KIF26B: variants seen among roughly 807,000 people sequenced by gnomAD.
The protein encoded by KIF26B is kinesin-like protein KIF26B.
Under a neutral mutation model 151.2 loss-of-function variants are expected in KIF26B, and 63 were observed. The ratio of observed to expected loss-of-function variants is 0.42; its 90% CI spans 0.34 to 0.51. The LOEUF is 0.51. Ranked by LOEUF, KIF26B falls within the 20% of genes least tolerant of loss-of-function variation. The pLI is 0.07. For missense variants in KIF26B, 2,813 were observed against 2,913.6 expected (o/e 0.97, Z 0.79); for synonymous variants, 1,357 against 1,262.1 (o/e 1.08, Z -1.59).
intron 4 of KIF26B, among the ~76,000 whole-genome samples, chr1:245,455,228 G>A (rs1256303972): frequency 1.3e-5 from 2 of 152,108 alleles, no homozygotes; most frequent in African/African-American, 2.4e-5. Context: ...ACTACAGGCC[G>A]GGCATGGTGG....
chr1:245,256,900 G>T (rs924361489), intron 2 of KIF26B, among the ~76,000 whole-genome samples: 6 of 152,198 alleles, frequency 3.9e-5, no homozygotes, highest in Non-Finnish European at 7.3e-5. Flanking sequence ...GCTGTCTCTT[G>T]TGGGGAAAAT....
intron 2 of KIF26B, among the ~76,000 whole-genome samples, chr1:245,276,019 G>A (rs1670929316): frequency 2.0e-5 from 3 of 152,130 alleles, no homozygotes; most frequent in Non-Finnish European, 4.4e-5. Context: ...TATTGTATGG[G>A]AAAATTTGCT....
rs1336021744 is a variant in KIF26B at position 245,687,942 on chromosome 1, G to T, written c.4959G>T (p.Lys1653Asn). The T allele has an allele frequency of 6.3e-7, 1 of 1,593,162 alleles. No homozygotes were observed. The highest frequency in any genetic ancestry group is 1.7e-5 in the Admixed American group (1 of 57,452). ...GKTKDASSSS[K>N]LFSAKLEQLA... is the part of the protein sequence containing the mutation. ...CGAAGGACGCCAGCAGCAGCAGCAA[G>T]CTCTTCAGTGCCAAGCTGGAGCAGC... The change falls in exon 12 of 15, where the codon AAG (lysine) becomes AAT (asparagine). Residue 1653 changes from lysine to asparagine, a missense_variant. Around this residue, in one of 3 missense-constraint regions of KIF26B, gnomAD observed 2,060 missense variants for 2,088.6 expected, o/e 0.99. Transcript: ENST00000407071. The surrounding 1 kb of genome is among the most constrained non-coding windows in gnomAD (Gnocchi z 4.9).
intron 9 of KIF26B, among the ~76,000 whole-genome samples, chr1:245,617,014 T>A (rs1483579744): frequency 6.6e-6 from 1 of 152,232 alleles, no homozygotes; most frequent in African/African-American, 2.4e-5. Context: ...CACAAATGTA[T>A]GTGCACATGG....
chr1:245,608,678 A>T (rs1357055212), intron 7 of KIF26B, among the ~76,000 whole-genome samples: 2 of 152,112 alleles, frequency 1.3e-5, no homozygotes, highest in Non-Finnish European at 2.9e-5. Flanking sequence ...CAGTGCAGGA[A>T]CTGGATAGCA....
intron 2 of KIF26B, among the ~76,000 whole-genome samples, chr1:245,268,010 G>A (rs1241727594): frequency 6.6e-6 from 1 of 152,080 alleles, no homozygotes; most frequent in Non-Finnish European, 1.5e-5. Context: ...TGGCAATAAA[G>A]ACAGGAATTT....
At chr1:245,617,462 T>G (rs1474632189) in intron 9 of KIF26B, among the ~76,000 whole-genome samples, 1 of 152,166 alleles carries the variant, frequency 6.6e-6, no homozygotes, top group Non-Finnish European at 1.5e-5. Context: ...ATGCTGTATT[T>G]AGGGCTGTGT....
At position 245,669,252 on chromosome 1, in the gene KIF26B, C is replaced by A. The variant is rs1416968944; in HGVS notation, c.2259-14981C>A. On this transcript the variant is annotated intron_variant, in intron 10 of 14. Coordinates refer to ENST00000407071, the MANE Select transcript of KIF26B (RefSeq NM_018012.4). ...CATGGGCCACTCTCATCGTTAGGCTCTCTTCACAGGTATAGCCTATGTTAG... is the reference window on the plus strand; with the variant it reads ...CATGGGCCACTCTCATCGTTAGGCTATCTTCACAGGTATAGCCTATGTTAG... 2.6e-5 allele frequency among the ~76,000 whole-genome samples: 4 copies of A among 152,302 alleles called. 1 individual carries two copies. Among genetic ancestry groups the A allele is most frequent in the Non-Finnish European group, 2.9e-5 (2 of 68,036 alleles).
intron 14 of KIF26B, among the ~76,000 whole-genome samples, chr1:245,700,419 C>T (rs541775618): frequency 1.7e-4 from 26 of 152,222 alleles, no homozygotes; most frequent in South Asian, 6.2e-4. Flanking sequence ...TGGCCAGGCA[C>T]GGTGGCTCAC....
At position 245,155,284 on chromosome 1, in the gene KIF26B, C is replaced by T. The variant is rs1414199276; in HGVS notation, c.-141C>T. 3 of 690,066 alleles carry T rather than the reference C, an allele frequency of 4.3e-6. No homozygotes were observed. Among genetic ancestry groups the T allele is most frequent in the Non-Finnish European group, 7.7e-6 (3 of 391,994 alleles). The allele number at this position is 690,066 out of a possible 1,614,324, so 42.7% of individuals were successfully genotyped here. A position where few individuals can be genotyped will look rare whatever the true frequency, so the allele number is the denominator to read the frequency against. ...TTGTGGGATCCATTTGCTTTCATTC[C>T]CTCCCACCCCACCGCTGAAGAAACC... On this transcript the variant is annotated 5_prime_UTR_variant, in exon 1 of 15. Transcript: ENST00000407071.
chr1:245,207,191 G>C (rs907367250), intron 2 of KIF26B, among the ~76,000 whole-genome samples: 1 of 152,184 alleles, frequency 6.6e-6, no homozygotes, highest in African/African-American at 2.4e-5. Context: ...AAAGCTAGGA[G>C]TCACAAGGAG....
chr1:245,164,721 C>T (rs953551373), intron 2 of KIF26B, among the ~76,000 whole-genome samples: 7 of 152,248 alleles, frequency 4.6e-5, no homozygotes, highest in African/African-American at 9.6e-5. Context: ...TCCTGTAGGA[C>T]GTGGGCAGCC....
chr1:245,582,637 G>A (rs1217317508), intron 5 of KIF26B, among the ~76,000 whole-genome samples: 2 of 152,136 alleles, frequency 1.3e-5, no homozygotes, highest in East Asian at 3.9e-4. Context: ...GAGGATTTAT[G>A]CTTATCGTCT....
chr1:245,695,491 G>C (rs1000222751), intron 12 of KIF26B, among the ~76,000 whole-genome samples: 2 of 152,166 alleles, frequency 1.3e-5, no homozygotes, highest in Non-Finnish European at 2.9e-5. Context: ...CGGGATTGAG[G>C]TTCTGGTACC....
intron 5 of KIF26B, among the ~76,000 whole-genome samples, chr1:245,576,754 T>A (rs1395454745): frequency 6.6e-6 from 1 of 152,226 alleles, no homozygotes; most frequent in Admixed American, 6.5e-5. Flanking sequence ...CCTTTTTCTG[T>A]CTGGCACATT....
In KIF26B at chr1:245,424,066, A is replaced by T. The variant is rs141604836; in HGVS notation, c.1166+4321A>T. On this transcript the variant is annotated intron_variant, in intron 4 of 14. Transcript: ENST00000407071. ...TGTTTGTTGCGCACGCTGGTCTTGA[A>T]CACCTAGGCTCAAGCAATCCTTCCA... Among the ~76,000 whole-genome samples, 567 of 152,188 alleles carry T rather than the reference A, an allele frequency of 3.7e-3. 6 individuals carry two copies. The highest frequency in any genetic ancestry group is 0.013 in the African/African-American group (522 of 41,520).
At chr1:245,254,259 C>T (rs1241510663) in intron 2 of KIF26B, among the ~76,000 whole-genome samples, 1 of 152,034 alleles carries the variant, frequency 6.6e-6, no homozygotes, top group African/African-American at 2.4e-5. Context: ...GCATATGTCC[C>T]ATGGATAGGG....
intron 10 of KIF26B, among the ~76,000 whole-genome samples, chr1:245,672,083 C>T (rs544931906): frequency 1.3e-5 from 2 of 152,198 alleles, no homozygotes; most frequent in East Asian, 1.9e-4. Flanking sequence ...CACACAGCCA[C>T]GGTCATGCCA....
intron 2 of KIF26B, among the ~76,000 whole-genome samples, chr1:245,301,920 C>G (rs1671434443): frequency 6.6e-6 from 1 of 152,172 alleles, no homozygotes; most frequent in African/African-American, 2.4e-5. Flanking sequence ...CCTTGAAAGG[C>G]TAAGTAGGAT....
Sources: allele counts gnomAD v4.1 joint callset (sites outside exome capture counted in the v4.1 genomes callset), GRCh38; gene constraint gnomAD v4.1.1; regional missense constraint gnomAD v4.1.1; non-coding constraint Gnocchi (gnomAD v3.1); transcripts MANE v1.5; gene names NCBI Gene and HGNC (gene_info 2026-07-23, HGNC 2026-07-21).